Variants in SLC51A observed in about 807,000 individuals in gnomAD.
SLC51A encodes solute carrier family 51 member A.
A neutral mutation model predicts 34.8 loss-of-function variants in SLC51A; 22 were observed. That is an observed-to-expected ratio of 0.63 (90% CI 0.45 to 0.90). The LOEUF is 0.90. SLC51A is among the 40% of genes least tolerant of loss of function. The pLI is 0.00. For missense variants in SLC51A, 371 were observed against 414.8 expected (o/e 0.89, Z 0.92); for synonymous variants, 181 against 176.3 (o/e 1.03, Z -0.21).
intron 2 of SLC51A, chr3:196,224,047 T>G: frequency 3.4e-6 from 1 of 290,202 alleles, no homozygotes; most frequent in Non-Finnish European, 6.7e-6. Flanking sequence ...TTGGTAGAGA[T>G]GGGGTTCCAC....
chr3:196,229,011 G>C, intron 6 of SLC51A, 91 bp downstream of exon 6: 2 of 1,075,340 alleles, frequency 1.9e-6, no homozygotes, highest in Non-Finnish European at 1.4e-6. Flanking sequence ...CCCCTTGACA[G>C]AGGGCCCCAG....
chr3:196,216,863 A>G lies in SLC51A; in HGVS notation c.38+113A>G, dbSNP rs1000755994. ...TTGGCGGCCGCACTCAGAATGAGAC[A>G]GGACTGGAAATGCTCTAGCTGTTCC... On this transcript the variant is annotated intron_variant, in intron 1 of 8. Transcript: ENST00000296327. This position sits in a 1 kb window ranked among gnomAD's most constrained non-coding sequence, Gnocchi z 4.5. 2 of 1,140,580 alleles carry G rather than the reference A, an allele frequency of 1.8e-6. No individual in the cohort carries two copies. The highest frequency in any genetic ancestry group is 1.5e-5 in the South Asian group (1 of 64,848). 70.7% of individuals were successfully genotyped at this position (1,140,580 alleles called of 1,614,324 possible). A position where few individuals can be genotyped will look rare whatever the true frequency, so the allele number is the denominator to read the frequency against.
Position 196,233,293 on chromosome 3 carries a change from C to T in SLC51A, c.*94C>T. ...ACCTTGACCAAATGGGAAGCATTCC[C>T]CCTTGTCAACACAAGCTGGCAGATA... On this transcript the variant is annotated 3_prime_UTR_variant, in exon 9 of 9. Transcript: ENST00000296327. 7.3e-7 allele frequency: 1 copy of T among 1,363,706 alleles called. No homozygotes were observed. The highest frequency in any genetic ancestry group is 1.9e-4 in the Middle Eastern group (1 of 5,396). 84.5% of individuals were successfully genotyped at this position (1,363,706 alleles called of 1,614,324 possible).
intron 2 of SLC51A, among the ~76,000 whole-genome samples, chr3:196,224,155 A>G (rs73083248): frequency 0.21 from 32,098 of 151,278 alleles, 4,019 homozygotes; most frequent in East Asian, 0.36. Flanking sequence ...CACTGTGCCT[A>G]GCCCTTTCTC....
chr3:196,229,401 G>A (rs1162601324), intron 6 of SLC51A, among the ~76,000 whole-genome samples: 2 of 134,830 alleles, frequency 1.5e-5, no homozygotes, highest in Admixed American at 8.2e-5. Flanking sequence ...TTTTTGAGAC[G>A]GAGTTTCTCT....
At chr3:196,226,912 G>C in intron 2 of SLC51A, 53 bp from the exon 3 acceptor site, 1 of 1,543,828 alleles carries the variant, frequency 6.5e-7, no homozygotes, top group Middle Eastern at 2.0e-4. Flanking sequence ...AACAAGCCCA[G>C]GCCTTCTCCC....
rs1724066805 is a variant in SLC51A at position 196,233,203 on chromosome 3, G to C, written c.*4G>C. The C allele has an allele frequency of 4.3e-6, 7 of 1,614,068 alleles. No homozygotes were observed. The highest frequency in any genetic ancestry group is 3.4e-6 in the Non-Finnish European group (4 of 1,179,972). ...GGACTTGAACCTCAAAGCCTAAGGT[G>C]GATGGCTTGGACAATGAAAGGATGC... On this transcript the variant is annotated 3_prime_UTR_variant, in exon 9 of 9. Coordinates refer to ENST00000296327, the MANE Select transcript of SLC51A (RefSeq NM_152672.6).
At chr3:196,231,491 C>T (rs77508995) in intron 7 of SLC51A, among the ~76,000 whole-genome samples, 1 of 152,338 alleles carries the variant, frequency 6.6e-6, no homozygotes, top group East Asian at 1.9e-4. Flanking sequence ...AGTTCACGTA[C>T]ATTCTCATTT....
At chr3:196,223,837 A>G in intron 2 of SLC51A, 1 of 425,330 alleles carries the variant, frequency 2.4e-6, no homozygotes, top group Non-Finnish European at 4.6e-6. Context: ...ATCTTAGTGT[A>G]ATTTCCTTTT....
rs944622047 is a variant in SLC51A at position 196,228,327 on chromosome 3, C to T, written c.521+54C>T. On this transcript the variant is annotated intron_variant, in intron 5 of 8. Coordinates refer to ENST00000296327, the MANE Select transcript of SLC51A (RefSeq NM_152672.6). The surrounding 1 kb of genome is among the most constrained non-coding windows in gnomAD (Gnocchi z 4.9). ...GGAGCCGGGGAGCCTCTCCTGGACCCCTGGTCCCCTTCAAGGCTCTGGGAA... is the reference window on the plus strand; with the variant it reads ...GGAGCCGGGGAGCCTCTCCTGGACCTCTGGTCCCCTTCAAGGCTCTGGGAA... The T allele has an allele frequency of 1.3e-6, 2 of 1,563,938 alleles. No homozygotes were observed. The highest frequency in any genetic ancestry group is 2.7e-5 in the African/African-American group (2 of 73,738).
At chr3:196,217,801 C>T (rs759388215) in intron 1 of SLC51A, 41 bp from the exon 2 acceptor site, 1 of 1,586,866 alleles carries the variant, frequency 6.3e-7, no homozygotes, top group South Asian at 1.1e-5. Context: ...CCCCCTTCCC[C>T]CAGCCCCCAT....
In SLC51A at chr3:196,227,980, C is replaced by T. The variant is rs530134422; in HGVS notation, c.363-135C>T. On this transcript the variant is annotated intron_variant, in intron 4 of 8. Transcript: ENST00000296327. ...CTTCTCCCAGTCCTGTGGGCCGTCT[C>T]CTCTCCCTCGCCCCTCTTGGGTCAC... 125 of 1,224,564 alleles carry T rather than the reference C, an allele frequency of 1.0e-4. No individual in the cohort carries two copies. The African/African-American group carries it at 1.2e-3, about 12-fold the overall frequency. The allele number at this position is 1,224,564 out of a possible 1,614,324, so 75.9% of individuals were successfully genotyped here.
Position 196,228,359 on chromosome 3 carries a change from G to T in SLC51A, c.521+86G>T. On this transcript the variant is annotated intron_variant, in intron 5 of 8. Transcript: ENST00000296327. This position sits in a 1 kb window ranked among gnomAD's most constrained non-coding sequence, Gnocchi z 4.9. Reference sequence around the variant, plus strand: ...CCCTTCAAGGCTCTGGGAATTAGGCGTGAATAGGCCAAAGCCAGTGACGGA... The same window carrying T: ...CCCTTCAAGGCTCTGGGAATTAGGCTTGAATAGGCCAAAGCCAGTGACGGA... 2 of 1,480,082 alleles carry T rather than the reference G, an allele frequency of 1.4e-6. No individual in the cohort carries two copies. The highest frequency in any genetic ancestry group is 1.8e-6 in the Non-Finnish European group (2 of 1,114,502). 91.7% of individuals were successfully genotyped at this position (1,480,082 alleles called of 1,614,324 possible).
Position 196,233,210 on chromosome 3 carries a change from T to A in SLC51A, c.*11T>A, listed in dbSNP as rs767606761. On this transcript the variant is annotated 3_prime_UTR_variant, in exon 9 of 9. Coordinates refer to ENST00000296327, the MANE Select transcript of SLC51A (RefSeq NM_152672.6). ...AACCTCAAAGCCTAAGGTGGATGGC[T>A]TGGACAATGAAAGGATGCTGTACTC... The A allele has an allele frequency of 1.3e-5, 21 of 1,614,050 alleles. No individual in the cohort carries two copies. Among genetic ancestry groups the A allele is most frequent in the Non-Finnish European group, 1.7e-5 (20 of 1,179,954 alleles).
intron 2 of SLC51A, chr3:196,224,138 C>A (rs1015681396): frequency 1.5e-5 from 3 of 199,198 alleles, no homozygotes; most frequent in African/African-American, 7.2e-5. Context: ...GGATTACAGG[C>A]ATGAGCCACT....
Position 196,216,593 on chromosome 3 carries a change from C to A in SLC51A, c.-120C>A, listed in dbSNP as rs1243558674. The A allele has an allele frequency of 2.0e-6, 2 of 1,018,980 alleles. No homozygotes were observed. The highest frequency in any genetic ancestry group is 1.5e-6 in the Non-Finnish European group (1 of 669,850). 63.1% of individuals were successfully genotyped at this position (1,018,980 alleles called of 1,614,324 possible). On this transcript the variant is annotated 5_prime_UTR_variant, in exon 1 of 9. Transcript: ENST00000296327. The surrounding 1 kb of genome is among the most constrained non-coding windows in gnomAD (Gnocchi z 4.5). ...GAGAGCGGCAGAGGGGAAGACTCTG[C>A]AATTCTGCTTGCCCCCCACCCCGGC... is the stretch of plus-strand genomic sequence containing the variant.
At position 196,233,354 on chromosome 3, in the gene SLC51A, A is replaced by G. The variant is rs9343; in HGVS notation, c.*155A>G. 415,231 of 831,946 alleles carry G rather than the reference A, an allele frequency of 0.5. 108,085 individuals are homozygous for G. Among genetic ancestry groups the G allele is most frequent in the East Asian group, 0.88 (33,846 of 38,316 alleles). 51.5% of individuals were successfully genotyped at this position (831,946 alleles called of 1,614,324 possible). ...TACAGATGAAGGTGAACAATGTTAG[A>G]ATAAAATTGCTTTGGATCTTGCCTG... On this transcript the variant is annotated 3_prime_UTR_variant, in exon 9 of 9. Coordinates refer to ENST00000296327, the MANE Select transcript of SLC51A (RefSeq NM_152672.6).
At chr3:196,226,845 C>T (rs1723905567) in intron 2 of SLC51A, 120 bp from the exon 3 acceptor site, 20 of 882,798 alleles carry the variant, frequency 2.3e-5, no homozygotes, top group South Asian at 2.1e-4. Context: ...TCTAAAAAAT[C>T]CTCATTCCTG....
intron 2 of SLC51A, among the ~76,000 whole-genome samples, chr3:196,219,714 T>A (rs1435832416): frequency 6.6e-6 from 1 of 152,214 alleles, no homozygotes; most frequent in Non-Finnish European, 1.5e-5. Context: ...TTTGGCAGTG[T>A]CGGGAGACTT....
Sources: allele counts gnomAD v4.1 joint callset (sites outside exome capture counted in the v4.1 genomes callset), GRCh38; gene constraint gnomAD v4.1.1; non-coding constraint Gnocchi (gnomAD v3.1); transcripts MANE v1.5; gene names NCBI Gene and HGNC (gene_info 2026-07-23, HGNC 2026-07-21).